R3HDM2: variants seen among roughly 807,000 people sequenced by gnomAD.
R3HDM2 encodes R3H domain-containing protein 2.
R3HDM2 carries 38 observed loss-of-function variants against 124.5 expected under a neutral mutation model. The observed-to-expected ratio is 0.31, with a 90% confidence interval of 0.24 to 0.40. R3HDM2 has a LOEUF of 0.40. R3HDM2 is among the 10% of genes least tolerant of loss of function. The pLI is 1.00. For missense variants in R3HDM2, 869 were observed against 1,236.9 expected (o/e 0.70, Z 4.46); for synonymous variants, 391 against 448.0 (o/e 0.87, Z 1.61).
chr12:57,268,457 C>G lies in R3HDM2; in HGVS notation c.1876G>C (p.Val626Leu). Residue 626 changes from valine (V) to leucine (L), a missense_variant and splice_region_variant, in exon 18 of 24, where the codon GTT becomes CTT. By Grantham distance (32) the Val-to-Leu change is conservative. Coordinates refer to ENST00000402412, the MANE Select transcript of R3HDM2 (RefSeq NM_001394031.1). ...TTTTGCGAGTCACTACCCACTGGAACCTGGGTGAGAAAGAGAAGAGAAAGA... is the reference window on the plus strand; with the variant it reads ...TTTTGCGAGTCACTACCCACTGGAAGCTGGGTGAGAAAGAGAAGAGAAAGA... The part of the protein sequence containing the change: ...VQYTPLPSYQ[V>L]PVGSDSQNVV... 1 of 1,613,656 alleles carries G rather than the reference C, an allele frequency of 6.2e-7. No homozygotes were observed.
chr12:57,339,215 T>A (rs1485382338), intron 2 of R3HDM2, among the ~76,000 whole-genome samples: 1 of 151,656 alleles, frequency 6.6e-6, no homozygotes, highest in African/African-American at 2.4e-5. Flanking sequence ...CAGGCTGGTC[T>A]CAAACTCCTG....
chr12:57,311,857 T>G (rs1277148353), intron 2 of R3HDM2, among the ~76,000 whole-genome samples: 1 of 152,192 alleles, frequency 6.6e-6, no homozygotes, highest in Non-Finnish European at 1.5e-5. Flanking sequence ...GATGGCTGCT[T>G]CTTTATCACT....
chr12:57,372,922 C>A (rs1156977953), intron 2 of R3HDM2, among the ~76,000 whole-genome samples: 1 of 152,220 alleles, frequency 6.6e-6, no homozygotes, highest in East Asian at 1.9e-4. Flanking sequence ...AACTCCAACT[C>A]TGGCCAAGCA....
intron 1 of R3HDM2, among the ~76,000 whole-genome samples, chr12:57,414,633 C>T (rs866557820): frequency 1.3e-5 from 2 of 151,464 alleles, no homozygotes; most frequent in Middle Eastern, 3.4e-3. Flanking sequence ...GTCAGGAGTT[C>T]GAGACCAGCC....
intron 11 of R3HDM2, among the ~76,000 whole-genome samples, chr12:57,289,545 T>C (rs1020503772): frequency 7.2e-5 from 11 of 152,326 alleles, no homozygotes; most frequent in African/African-American, 1.2e-4. Context: ...GGGTGGGATA[T>C]TGGGGAAGCA....
At chr12:57,429,579 G>A (rs908574580) in intron 1 of R3HDM2, among the ~76,000 whole-genome samples, 1 of 152,080 alleles carries the variant, frequency 6.6e-6, no homozygotes, top group African/African-American at 2.4e-5. Flanking sequence ...CAGGAGTGGT[G>A]GCTCATGCCT....
In R3HDM2 at chr12:57,328,856, G is replaced by A. The variant is rs542756378; in HGVS notation, c.-35-18393C>T. Among the ~76,000 whole-genome samples the A allele has an allele frequency of 1.1e-4, 17 of 152,246 alleles. No individual in the cohort carries two copies. The South Asian group carries it at 2.7e-3, about 24-fold the overall frequency. ...ATGTATTAATGGATGACAGTATAGT[G>A]TAAACATAACTTTTATATGCACTGA... On this transcript the variant is annotated intron_variant, in intron 2 of 23. Transcript: ENST00000402412.
At chr12:57,322,902 G>T (rs1307078226) in intron 2 of R3HDM2, among the ~76,000 whole-genome samples, 1 of 152,048 alleles carries the variant, frequency 6.6e-6, no homozygotes, top group Non-Finnish European at 1.5e-5. Flanking sequence ...GAGTACCAGT[G>T]GGGGAACATA....
chr12:57,386,402 C>T (rs891564540), intron 2 of R3HDM2, among the ~76,000 whole-genome samples: 7 of 152,240 alleles, frequency 4.6e-5, no homozygotes, highest in African/African-American at 1.4e-4. Flanking sequence ...GCTCCGCACT[C>T]GGAGAGGCCA....
At chr12:57,330,136 T>C (rs996082147) in intron 2 of R3HDM2, among the ~76,000 whole-genome samples, 4 of 151,896 alleles carry the variant, frequency 2.6e-5, no homozygotes, top group Non-Finnish European at 5.9e-5. Context: ...CTGGCTAGTT[T>C]TGTATTTTTA....
chr12:57,324,582 G>T (rs1189130055), intron 2 of R3HDM2, among the ~76,000 whole-genome samples: 2 of 152,180 alleles, frequency 1.3e-5, no homozygotes, highest in African/African-American at 4.8e-5. Flanking sequence ...ATAATCATTA[G>T]TCCTCAAGCC....
chr12:57,430,480 CA>C, intron 1 of R3HDM2: 26 of 935,010 alleles, frequency 2.8e-5, no homozygotes, highest in East Asian at 1.2e-4. Context: ...CAGGTGGCGC[CA>C]CCCCCCTGCC....
intron 13 of R3HDM2, 123 bp downstream of exon 13, chr12:57,283,701 T>C: frequency 1.0e-6 from 1 of 959,066 alleles, no homozygotes. Flanking sequence ...ATCACACCAC[T>C]GCATTCCAGC....
At position 57,430,599 on chromosome 12, in the gene R3HDM2, G is replaced by A; in HGVS notation, c.-106+121C>T. On this transcript the variant is annotated intron_variant, in intron 1 of 23. Transcript: ENST00000402412. ...ACCCTGACCCATCGTCCCCGGGACC[G>A]GCTGCCGGGCGCGAGGAACCCAGGC... 19 of 984,610 alleles carry A rather than the reference G, an allele frequency of 1.9e-5. 1 individual carries two copies. Among genetic ancestry groups the A allele is most frequent in the Non-Finnish European group, 2.3e-5 (19 of 829,580 alleles). 61.0% of individuals were successfully genotyped at this position (984,610 alleles called of 1,614,324 possible). A position where few individuals can be genotyped will look rare whatever the true frequency, so the allele number is the denominator to read the frequency against.
chr12:57,276,683 T>C (rs745392465), intron 14 of R3HDM2, among the ~76,000 whole-genome samples: 7 of 152,112 alleles, frequency 4.6e-5, no homozygotes, highest in Non-Finnish European at 1.0e-4. Context: ...GTCAGGAGTT[T>C]GAGACCAGCC....
intron 3 of R3HDM2, chr12:57,304,419 G>T: frequency 1.3e-6 from 1 of 781,520 alleles, no homozygotes; most frequent in Non-Finnish European, 1.6e-6. Context: ...ATGGGGCGTA[G>T]AGGGAACTGA....
At chr12:57,268,491 C>T (rs1451504458) in intron 17 of R3HDM2, 34 bp from the exon 18 acceptor site, 8 of 1,609,722 alleles carry the variant, frequency 5.0e-6, no homozygotes, top group Middle Eastern at 1.6e-4. Flanking sequence ...GAATCACATT[C>T]GCATTCACAT....
chr12:57,410,241 C>T (rs1455051426), intron 1 of R3HDM2, among the ~76,000 whole-genome samples: 5 of 150,384 alleles, frequency 3.3e-5, no homozygotes, highest in Admixed American at 6.7e-5. Context: ...CTTTTATCTG[C>T]CATTTCTTGT....
At chr12:57,299,311 C>T in intron 6 of R3HDM2, 41 bp downstream of exon 6, 6 of 1,514,200 alleles carry the variant, frequency 4.0e-6, no homozygotes, top group Non-Finnish European at 5.4e-6. Context: ...AAGTAAAGGG[C>T]ACTGCCCTAG....
Sources: allele counts gnomAD v4.1 joint callset (sites outside exome capture counted in the v4.1 genomes callset), GRCh38; gene constraint gnomAD v4.1.1; transcripts MANE v1.5; gene names NCBI Gene and HGNC (gene_info 2026-07-23, HGNC 2026-07-21).